Variants in SBSN observed in about 807,000 individuals in gnomAD.
SBSN encodes HLAR698.
SBSN carries 33 observed loss-of-function variants against 42.8 expected under a neutral mutation model. The observed-to-expected ratio is 0.77, with a 90% CI of 0.58 to 1.03. The LOEUF (loss-of-function observed/expected upper bound fraction) is 1.03. Among genes scored for constraint, SBSN ranks in the 50% least tolerant of loss-of-function variants. The probability of loss-of-function intolerance (pLI) is 0.00; values close to 1 mark genes in which losing one functional copy is unlikely to be tolerated. For missense variants in SBSN, 646 were observed against 757.3 expected, an observed-to-expected ratio of 0.85 and a Z score of 1.72; for synonymous variants, 276 against 307.0, an observed-to-expected ratio of 0.90 and a Z score of 1.06.
Position 35,528,299 on chromosome 19 carries a change from G to A in SBSN, c.-18C>T. On this transcript the variant is annotated 5_prime_UTR_variant, in exon 1 of 4. Transcript: ENST00000452271. ...AGATGCATATTGCTGGGAAGGTCGG[G>A]AAGGATGCAGAGAGGAGCCAGGGAA... 6.3e-7 allele frequency: 1 copy of A among 1,585,932 alleles called. No individual in the cohort carries two copies. Among genetic ancestry groups the A allele is most frequent in the Non-Finnish European group, 8.6e-7 (1 of 1,168,376 alleles).
Position 35,527,923 on chromosome 19 carries a change from T to G in SBSN, c.359A>C (p.Asn120Thr), listed in dbSNP as rs746140929. The G allele has an allele frequency of 1.2e-5, 20 of 1,614,042 alleles. No homozygotes were observed. Among genetic ancestry groups the G allele is most frequent in the African/African-American group, 4.0e-5 (3 of 74,920 alleles). Residue 120 changes from asparagine to threonine, a missense_variant, in exon 1 of 4, where the codon AAC becomes ACC. Coordinates refer to ENST00000452271, the MANE Select transcript of SBSN (RefSeq NM_001166034.2). ...KEAEKLGHGVNNAAGQVGKEA... is the reference protein window; with the variant it reads ...KEAEKLGHGVTNAAGQVGKEA... Reference sequence around the variant, plus strand: ...CTTCCCAACCTGTCCAGCAGCGTTGTTGACCCCATGGCCAAGCTTCTCTGC... The same window carrying G: ...CTTCCCAACCTGTCCAGCAGCGTTGGTGACCCCATGGCCAAGCTTCTCTGC...
At chr19:35,523,646 C>CAGAACATAACTCCGG in intron 3 of SBSN, 113 bp from the exon 4 acceptor site, 2 of 1,054,084 alleles carry the variant, frequency 1.9e-6, no homozygotes, top group Non-Finnish European at 3.0e-6. Flanking sequence ...GCTCTGGCCC[C>CAGAACATAACTCCGG]GGAGTTATGT....
intron 1 of SBSN, among the ~76,000 whole-genome samples, chr19:35,525,692 A>AT (rs1375477735): frequency 2.0e-5 from 3 of 151,032 alleles, no homozygotes; most frequent in African/African-American, 4.9e-5. Context: ...TTTTATTATT[A>AT]TTTTTTTTGA....
rs1310168586 is a variant in SBSN, at chr19:35,527,228, G to A, written c.1054C>T (p.Gln352Ter). The A allele has an allele frequency of 1.3e-6, 2 of 1,536,756 alleles. No homozygotes were observed. ...EGWKETEKFGQGVHHAASQFG... is the reference protein window; with the variant it reads ...EGWKETEKFG ...TGACTGGCAGCATGGTGGACCCCCTGGCCAAACTTCTCTGTCTCCTTCCAG... is the reference window on the plus strand; with the variant it reads ...TGACTGGCAGCATGGTGGACCCCCTAGCCAAACTTCTCTGTCTCCTTCCAG... Residue 352 changes from glutamine (Q) to a stop codon, truncating the protein, a stop_gained, in exon 1 of 4, where the codon CAG (glutamine) becomes TAG (stop). Transcript: ENST00000452271. LOFTEE classifies it high-confidence loss of function.
Position 35,523,442 on chromosome 19 carries a change from C to A in SBSN, c.*68G>T. On this transcript the variant is annotated 3_prime_UTR_variant, in exon 4 of 4. Transcript: ENST00000452271. ...TCAGAAACCTGTCCCCCACCCCCAA[C>A]CCCTCCAGGTCATGTCAGCTGATGT... 1 of 1,527,564 alleles carries A rather than the reference C, an allele frequency of 6.5e-7. No individual in the cohort carries two copies. The highest frequency in any genetic ancestry group is 9.1e-7 in the Non-Finnish European group (1 of 1,101,520). The allele number at this position is 1,527,564 out of a possible 1,614,324, so 94.6% of individuals were successfully genotyped here.
At chr19:35,524,681 A>C in intron 3 of SBSN, 30 bp downstream of exon 3, 1 of 1,613,072 alleles carries the variant, frequency 6.2e-7, no homozygotes, top group East Asian at 2.2e-5. Context: ...CAGGACGCAG[A>C]GCAGAAAAGA....
intron 2 of SBSN, 21 bp downstream of exon 2, chr19:35,524,838 T>C (rs371896095): frequency 6.2e-7 from 1 of 1,613,942 alleles, no homozygotes; most frequent in Non-Finnish European, 8.5e-7. Flanking sequence ...TCCTCTCCCC[T>C]ACCCCAGAGT....
chr19:35,526,896 A>G lies in SBSN; in HGVS notation c.1386T>C (p.Val462=). ...TCCCGGCCTGTTCAAGGGTATGGTG[A>G]ACTCCCTGGCCAAACTGCCCTGCCT... ...GKEAGQFGQG[V]HHTLEQAGKE... Residue 462 remains valine, a synonymous_variant, in exon 1 of 4, where the codon GTT becomes GTC. Transcript: ENST00000452271. 1 of 1,610,770 alleles carries G rather than the reference A, an allele frequency of 6.2e-7. No homozygotes were observed. Among genetic ancestry groups the G allele is most frequent in the African/African-American group, 1.3e-5 (1 of 74,302 alleles).
At position 35,527,130 on chromosome 19, in the gene SBSN, C is replaced by A; in HGVS notation, c.1152G>T (p.Glu384Asp). The change falls in exon 1 of 4, where the codon GAG (glutamate) becomes GAT (aspartate). Residue 384 changes from glutamate to aspartate, a missense_variant. By Grantham distance (45) the Glu-to-Asp change is conservative. Around this residue, in one of 3 missense-constraint regions of SBSN, gnomAD observed 220 missense variants for 334.5 expected, o/e 0.66. Coordinates refer to ENST00000452271, the MANE Select transcript of SBSN (RefSeq NM_001166034.2). ...CATGGTGGACACCCTGGCCAAACTTCTCTGCTTCCTTCCAGGCCTCATTAA... is the reference window on the plus strand; with the variant it reads ...CATGGTGGACACCCTGGCCAAACTTATCTGCTTCCTTCCAGGCCTCATTAA... The part of the protein sequence containing the change: ...HGVNEAWKEA[E>D]KFGQGVHHAA... 1.0e-5 allele frequency: 16 copies of A among 1,536,868 alleles called. No individual in the cohort carries two copies. Among genetic ancestry groups the A allele is most frequent in the Non-Finnish European group, 1.4e-5 (16 of 1,146,792 alleles).
At chr19:35,523,614 G>A in intron 3 of SBSN, 81 bp from the exon 4 acceptor site, 1 of 1,430,636 alleles carries the variant, frequency 7.0e-7, no homozygotes, top group African/African-American at 1.4e-5. Flanking sequence ...CGCCCCTCGG[G>A]AGAAGCACAA....
rs531710559 is a variant in SBSN at position 35,523,859 on chromosome 19, A to T, written c.1750-326T>A. Among the ~76,000 whole-genome samples the T allele has an allele frequency of 2.6e-5, 4 of 152,286 alleles. No homozygotes were observed. The South Asian group carries it at 8.3e-4, about 32-fold the overall frequency. ...ATACACCCTCACCCTGGCCTGCACC[A>T]GGTCTCGGGCAGCAGATACAATAAG... On this transcript the variant is annotated intron_variant, in intron 3 of 3. Coordinates refer to ENST00000452271, the MANE Select transcript of SBSN (RefSeq NM_001166034.2).
chr19:35,525,211 A>T (rs2071356972), intron 1 of SBSN, among the ~76,000 whole-genome samples: 1 of 152,178 alleles, frequency 6.6e-6, no homozygotes, highest in Admixed American at 6.5e-5. Flanking sequence ...AGGACCCGTG[A>T]CAAACAATAT....
In SBSN at chr19:35,528,187, A is replaced by G. The variant is rs1600124865; in HGVS notation, c.95T>C (p.Val32Ala). The G allele has an allele frequency of 6.2e-7, 1 of 1,613,688 alleles. No individual in the cohort carries two copies. The highest frequency in any genetic ancestry group is 1.7e-5 in the Admixed American group (1 of 59,986). ...WAASDDPIEK[V>A]IEGINRGLSN... Reference sequence around the variant, plus strand: ...CAGCCCTCGGTTGATCCCTTCAATGACCTTCTCAATGGGGTCATCGCTGGC... The same window carrying G: ...CAGCCCTCGGTTGATCCCTTCAATGGCCTTCTCAATGGGGTCATCGCTGGC... The change falls in exon 1 of 4, where the codon GTC (valine) becomes GCC (alanine). Residue 32 changes from valine to alanine, a missense_variant. This residue lies in a region of SBSN where 190 missense variants were observed against 197.1 expected (regional missense o/e 0.96). Coordinates refer to ENST00000452271, the MANE Select transcript of SBSN (RefSeq NM_001166034.2).
In SBSN at chr19:35,527,757, G is replaced by T. The variant is rs1568675404; in HGVS notation, c.525C>A (p.His175Gln). 1.9e-6 allele frequency: 3 copies of T among 1,582,670 alleles called. No individual in the cohort carries two copies. The highest frequency in any genetic ancestry group is 1.7e-4 in the Middle Eastern group (1 of 6,016). Residue 175 changes from histidine to glutamine, a missense_variant, in exon 1 of 4, where the codon CAC becomes CAA. Physicochemically the swap from His to Gln is conservative, Grantham distance 24. This residue lies in a region of SBSN where 220 missense variants were observed against 334.5 expected (regional missense o/e 0.66). Transcript: ENST00000452271. ...NEAGRFGQGV[H>Q]HAAGQAGNEA... ...CATTTCCGGCCTGCCCTGCAGCATG[G>T]TGGACTCCCTGGCCAAACCTCCCAG...
rs201676109 is a variant in SBSN at position 35,524,229 on chromosome 19, C to A, written c.1749+482G>T. On this transcript the variant is annotated intron_variant, in intron 3 of 3. Transcript: ENST00000452271. The stretch of plus-strand genomic sequence containing the variant: ...GTCAGGAGTTTACTTTGAGCCCCAA[C>A]TGGGAACCAGGATTCCATAGGAGCC... Among the ~76,000 whole-genome samples the A allele has an allele frequency of 2.6e-5, 4 of 152,290 alleles. No individual in the cohort carries two copies. The East Asian group carries it at 7.7e-4, about 29-fold the overall frequency.
chr19:35,527,674 GCCT>G lies in SBSN; in HGVS notation c.605_607del (p.Glu202del). 6.6e-7 allele frequency: 1 copy of G among 1,516,570 alleles called. No homozygotes were observed. The highest frequency in any genetic ancestry group is 1.2e-5 in the South Asian group (1 of 82,658). 93.9% of individuals were successfully genotyped at this position (1,516,570 alleles called of 1,614,324 possible). A position where few individuals can be genotyped will look rare whatever the true frequency, so the allele number is the denominator to read the frequency against. ...GTGGGCCCCCTGGCCAAATCTCCCA[GCCT>G]CATTTCCGGCCTGCCCTGCAGCATG... On this transcript the variant is annotated inframe_deletion, in exon 1 of 4. Coordinates refer to ENST00000452271, the MANE Select transcript of SBSN (RefSeq NM_001166034.2).
chr19:35,524,370 T>C (rs909255504), intron 3 of SBSN, among the ~76,000 whole-genome samples: 1 of 111,836 alleles, frequency 8.9e-6, no homozygotes, highest in Non-Finnish European at 1.9e-5. Flanking sequence ...AGTCAGCAAA[T>C]GGGAATCGAG....
Position 35,528,072 on chromosome 19 carries a change from G to A in SBSN, c.210C>T (p.Asn70=), listed in dbSNP as rs138379997. 2.4e-4 allele frequency: 385 copies of A among 1,613,884 alleles called. No homozygotes were observed. The African/African-American group carries it at 3.6e-3, about 15-fold the overall frequency. ...HAGREVEKVF[N]GLSNMGSHTG... The stretch of plus-strand genomic sequence containing the variant: ...TGTGGCTCCCCATGTTGCTAAGTCC[G>A]TTGAAAACCTTCTCCACTTCCCTTC... The change falls in exon 1 of 4, where the codon AAC becomes AAT. Residue 70 remains asparagine, a synonymous_variant. Transcript: ENST00000452271.
intron 1 of SBSN, 62 bp downstream of exon 1, chr19:35,526,582 G>A (rs959374414): frequency 3.2e-6 from 3 of 932,802 alleles, no homozygotes; most frequent in South Asian, 1.7e-5. Context: ...AATGTCCCAG[G>A]GGTTTAACCT....
Sources: gnomAD v4.1 joint callset for allele counts (sites outside exome capture counted in the v4.1 genomes callset) on GRCh38, gnomAD v4.1.1 for gene constraint, gnomAD v4.1.1 regional missense constraint, MANE v1.5 for transcripts, NCBI Gene and HGNC (gene_info 2026-07-23, HGNC 2026-07-21) for gene names.